The following CXCL13 variants were observed in gnomAD, a reference collection of about 807,000 sequenced individuals.
CXCL13 encodes C-X-C motif chemokine 13.
In CXCL13, 7 loss-of-function variants were observed where a neutral mutation model predicts 12.2. The observed-to-expected ratio is 0.57, with a 90% CI of 0.33 to 1.07. CXCL13 has a LOEUF of 1.07. Ranked by LOEUF, CXCL13 falls within the 50% of genes least tolerant of loss-of-function variation. The probability of loss-of-function intolerance (pLI) is 0.04; values close to 1 mark genes in which losing one functional copy is unlikely to be tolerated. For missense variants in CXCL13, 113 were observed against 127.4 expected (o/e 0.89, Z 0.55); for synonymous variants, 47 against 42.4 (o/e 1.11, Z -0.42).
At chr4:77,571,002 T>C (rs1005934809) in intron 1 of CXCL13, among the ~76,000 whole-genome samples, 1 of 151,952 alleles carries the variant, frequency 6.6e-6, no homozygotes, top group Non-Finnish European at 1.5e-5. Flanking sequence ...CGCTCCCTGC[T>C]CCACGGTGCC....
chr4:77,539,032 A>T (rs1461115401), intron 1 of CXCL13, among the ~76,000 whole-genome samples: 2 of 151,382 alleles, frequency 1.3e-5, no homozygotes, highest in Non-Finnish European at 2.9e-5. Flanking sequence ...AGCTTGAAAG[A>T]CTAGTGCACA....
At chr4:77,561,210 A>G (rs1161510979) in intron 1 of CXCL13, among the ~76,000 whole-genome samples, 3 of 152,236 alleles carry the variant, frequency 2.0e-5, no homozygotes, top group Non-Finnish European at 4.4e-5. Context: ...AGTGTGGTCC[A>G]TGGACCAGGA....
chr4:77,518,648 G>T (rs1345936022), intron 1 of CXCL13, among the ~76,000 whole-genome samples: 1 of 152,072 alleles, frequency 6.6e-6, no homozygotes, highest in Non-Finnish European at 1.5e-5. Context: ...AGCTTCATCA[G>T]CTCCTTTAAG....
upstream of CXCL13, among the ~76,000 whole-genome samples, chr4:77,605,060 G>T (rs2109836926): frequency 6.6e-6 from 1 of 152,176 alleles, no homozygotes; most frequent in Admixed American, 6.5e-5. Flanking sequence ...TGTAATATGG[G>T]GTTCACCCTC....
At chr4:77,559,686 G>A (rs1725754729) in intron 1 of CXCL13, among the ~76,000 whole-genome samples, 1 of 152,038 alleles carries the variant, frequency 6.6e-6, no homozygotes. Context: ...ATTTTGGGAG[G>A]CCGAGGCAGG....
upstream of CXCL13, among the ~76,000 whole-genome samples, chr4:77,601,838 G>A (rs951621683): frequency 3.9e-5 from 6 of 152,174 alleles, no homozygotes; most frequent in Non-Finnish European, 5.9e-5. Context: ...GGTGGCCTGG[G>A]GAAGTTAACA....
chr4:77,609,506 A>G (rs1485700271), intron 2 of CXCL13, among the ~76,000 whole-genome samples: 1 of 151,888 alleles, frequency 6.6e-6, no homozygotes, highest in African/African-American at 2.4e-5. Flanking sequence ...TTCTGTAGAG[A>G]TGGGGTCTCA....
chr4:77,512,547 T>C (rs930014210), intron 1 of CXCL13, among the ~76,000 whole-genome samples: 4 of 152,286 alleles, frequency 2.6e-5, no homozygotes, highest in African/African-American at 2.4e-5. Flanking sequence ...TTGCTCTTCA[T>C]AGGGCCTTTT....
chr4:77,537,007 A>T (rs1331807681), intron 1 of CXCL13, among the ~76,000 whole-genome samples: 3 of 152,232 alleles, frequency 2.0e-5, no homozygotes, highest in Non-Finnish European at 4.4e-5. Context: ...CATTCAAAAA[A>T]TTAAAATCCA....
chr4:77,545,881 C>T (rs909872787), intron 1 of CXCL13, among the ~76,000 whole-genome samples: 1 of 151,994 alleles, frequency 6.6e-6, no homozygotes, highest in Non-Finnish European at 1.5e-5. Context: ...ATTGGCTGTG[C>T]ATTTGTCATA....
chr4:77,565,118 G>T (rs1326568145), intron 1 of CXCL13, among the ~76,000 whole-genome samples: 1 of 152,110 alleles, frequency 6.6e-6, no homozygotes, highest in Non-Finnish European at 1.5e-5. Flanking sequence ...CTGAATGGAG[G>T]GGCTCAGGCT....
At chr4:77,518,434 A>G (rs1428044366) in intron 1 of CXCL13, among the ~76,000 whole-genome samples, 6 of 152,198 alleles carry the variant, frequency 3.9e-5, no homozygotes, top group Non-Finnish European at 5.9e-5. Flanking sequence ...AGGTACACCA[A>G]TGAGATGTAG....
chr4:77,559,094 A>C (rs111356619), intron 1 of CXCL13, among the ~76,000 whole-genome samples: 5 of 152,310 alleles, frequency 3.3e-5, no homozygotes, highest in African/African-American at 1.2e-4. Flanking sequence ...TTAACAACTA[A>C]ACAACCATCT....
intron 1 of CXCL13, among the ~76,000 whole-genome samples, chr4:77,589,933 T>C (rs1458576116): frequency 6.6e-6 from 1 of 152,196 alleles, no homozygotes; most frequent in Non-Finnish European, 1.5e-5. Flanking sequence ...TTTTCTCTCC[T>C]TTTTTAATTA....
At chr4:77,594,778 G>A (rs1349532921) in intron 1 of CXCL13, among the ~76,000 whole-genome samples, 1 of 152,194 alleles carries the variant, frequency 6.6e-6, no homozygotes. Flanking sequence ...GGAAGGGAGA[G>A]CACCAGGATA....
intron 1 of CXCL13, among the ~76,000 whole-genome samples, chr4:77,570,854 C>T (rs1290228539): frequency 2.0e-5 from 3 of 151,970 alleles, no homozygotes; most frequent in Non-Finnish European, 4.4e-5. Flanking sequence ...AGTGCCAGCC[C>T]ACCGGTGCTG....
At chr4:77,567,614 T>TAA (rs142377145) in intron 1 of CXCL13, among the ~76,000 whole-genome samples, 2 of 151,976 alleles carry the variant, frequency 1.3e-5, no homozygotes, top group African/African-American at 2.4e-5. Context: ...CAAGATGCAG[T>TAA]AAAAAAAGCT....
intron 1 of CXCL13, among the ~76,000 whole-genome samples, chr4:77,539,903 T>C (rs1262203082): frequency 6.6e-6 from 1 of 152,124 alleles, no homozygotes; most frequent in Non-Finnish European, 1.5e-5. Context: ...CCTATCTGAC[T>C]AGCTACCTAC....
intron 1 of CXCL13, among the ~76,000 whole-genome samples, chr4:77,533,083 C>T (rs188360292): frequency 1.3e-5 from 2 of 152,314 alleles, no homozygotes; most frequent in African/African-American, 4.8e-5. Flanking sequence ...TGGTGAGGAG[C>T]TGTGTTCCTT....
Sources: gnomAD v4.1 joint callset for allele counts (sites outside exome capture counted in the v4.1 genomes callset) on GRCh38, gnomAD v4.1.1 for gene constraint, MANE v1.5 for transcripts, NCBI Gene and HGNC (gene_info 2026-07-23, HGNC 2026-07-21) for gene names.